The following RGS7 variants were observed in gnomAD, a reference collection of about 807,000 sequenced individuals.
RGS7 encodes the protein regulator of G-protein signaling 7.
In RGS7, 27 loss-of-function variants were observed where a neutral mutation model predicts 81.1. That is an observed-to-expected ratio of 0.33 (90% CI 0.25 to 0.46). RGS7 has a LOEUF of 0.46. RGS7 is among the 20% of genes least tolerant of loss of function. The probability of loss-of-function intolerance (pLI) is 1.00; values close to 1 mark genes in which losing one functional copy is unlikely to be tolerated. For missense variants in RGS7, 396 were observed against 607.4 expected (o/e 0.65, Z 3.66); for synonymous variants, 208 against 207.7 (o/e 1.00, Z -0.01).
At chr1:240,786,703 C>G (rs1019663539) in intron 18 of RGS7, among the ~76,000 whole-genome samples, 1 of 152,056 alleles carries the variant, frequency 6.6e-6, no homozygotes, top group African/African-American at 2.4e-5. Flanking sequence ...CTGCAAGGAA[C>G]AATAGAAAAA....
chr1:240,882,404 T>C (rs1666558648), intron 6 of RGS7, among the ~76,000 whole-genome samples: 1 of 152,226 alleles, frequency 6.6e-6, no homozygotes, highest in African/African-American at 2.4e-5. Flanking sequence ...ACAATTCTGC[T>C]CTATCATAAG....
At chr1:241,284,934 G>A (rs754842022) in intron 2 of RGS7, among the ~76,000 whole-genome samples, 5 of 151,930 alleles carry the variant, frequency 3.3e-5, no homozygotes, top group African/African-American at 1.2e-4. Flanking sequence ...GCAGTGGCAC[G>A]ATCTCAGCTC....
intron 9 of RGS7, among the ~76,000 whole-genome samples, chr1:240,855,308 C>CA (rs758331434): frequency 0.12 from 1,774 of 14,440 alleles, 97 homozygotes; most frequent in South Asian, 0.26. Flanking sequence ...GACCATGTCT[C>CA]AAAAAAAAAA....
intron 6 of RGS7, among the ~76,000 whole-genome samples, chr1:240,915,462 G>C (rs1041236806): frequency 2.6e-5 from 4 of 152,076 alleles, no homozygotes; most frequent in African/African-American, 9.7e-5. Context: ...GAACGCAACG[G>C]AAAGAACTGT....
intron 3 of RGS7, among the ~76,000 whole-genome samples, chr1:241,087,983 TATATATATATATACACACACACAC>T (rs1372628194): frequency 1.0e-4 from 8 of 77,372 alleles, no homozygotes; most frequent in African/African-American, 4.5e-4. Context: ...TCTCTATATA[TATATATATATATACACACACACAC>T]ATATATATAT....
At chr1:240,853,281 G>C (rs1243482434) in intron 9 of RGS7, among the ~76,000 whole-genome samples, 1 of 152,066 alleles carries the variant, frequency 6.6e-6, no homozygotes, top group Admixed American at 6.6e-5. Flanking sequence ...GACTACAGGG[G>C]AATACAGACA....
chr1:241,050,163 T>C (rs796480511), intron 3 of RGS7, among the ~76,000 whole-genome samples: 1 of 152,166 alleles, frequency 6.6e-6, no homozygotes, highest in Non-Finnish European at 1.5e-5. Flanking sequence ...GATCCCATTA[T>C]CAAGAATCTC....
At chr1:241,051,816 C>A (rs1346155999) in intron 3 of RGS7, among the ~76,000 whole-genome samples, 3 of 152,174 alleles carry the variant, frequency 2.0e-5, no homozygotes, top group Admixed American at 1.3e-4. Context: ...CATGTGTTAT[C>A]TTATTCACTC....
intron 6 of RGS7, among the ~76,000 whole-genome samples, chr1:240,921,941 C>T (rs1424501978): frequency 2.0e-5 from 3 of 151,912 alleles, no homozygotes; most frequent in Non-Finnish European, 2.9e-5. Flanking sequence ...AATTACACAA[C>T]ACAATACTGA....
At chr1:241,094,630 A>C (rs2148941263) in intron 3 of RGS7, among the ~76,000 whole-genome samples, 1 of 152,256 alleles carries the variant, frequency 6.6e-6, no homozygotes, top group South Asian at 2.1e-4. Flanking sequence ...CAAAAACAAA[A>C]ACAAAGAAAA....
At chr1:241,254,985 T>C (rs1047971411) in intron 2 of RGS7, among the ~76,000 whole-genome samples, 5 of 152,178 alleles carry the variant, frequency 3.3e-5, no homozygotes, top group African/African-American at 1.2e-4. Flanking sequence ...CTTCTACAGA[T>C]GGAGAAACAT....
chr1:241,305,413 G>A (rs558943241), intron 2 of RGS7, among the ~76,000 whole-genome samples: 2 of 152,094 alleles, frequency 1.3e-5, no homozygotes, highest in South Asian at 4.2e-4. Flanking sequence ...AGCTTCTTAG[G>A]GAAGGGATGC....
intron 6 of RGS7, among the ~76,000 whole-genome samples, chr1:240,914,784 A>G (rs1248519409): frequency 2.6e-5 from 4 of 152,172 alleles, no homozygotes; most frequent in Admixed American, 1.3e-4. Context: ...GTAAAAACCA[A>G]CAATTCCTCT....
chr1:241,080,603 G>A (rs1011382521), intron 3 of RGS7, among the ~76,000 whole-genome samples: 6 of 152,066 alleles, frequency 3.9e-5, no homozygotes, highest in Admixed American at 2.0e-4. Context: ...CCTTCTATGT[G>A]TTCCATACAC....
chr1:241,166,686 C>G (rs1036099437), intron 2 of RGS7, among the ~76,000 whole-genome samples: 7 of 152,194 alleles, frequency 4.6e-5, no homozygotes, highest in African/African-American at 1.7e-4. Context: ...CTTCAAGCCC[C>G]TGCCAGTCTT....
At chr1:241,015,278 C>T (rs1464318061) in intron 3 of RGS7, among the ~76,000 whole-genome samples, 3 of 152,074 alleles carry the variant, frequency 2.0e-5, no homozygotes, top group Non-Finnish European at 2.9e-5. Flanking sequence ...GTTCATCTGT[C>T]GTGTACTTTC....
At chr1:241,031,601 AAAC>A (rs1439811292) in intron 3 of RGS7, among the ~76,000 whole-genome samples, 3 of 152,214 alleles carry the variant, frequency 2.0e-5, no homozygotes, top group Admixed American at 6.5e-5. Flanking sequence ...CACATTGTAT[AAAC>A]GTTCCTTTTT....
chr1:241,194,340 T>C (rs2072909855), intron 2 of RGS7, among the ~76,000 whole-genome samples: 1 of 152,206 alleles, frequency 6.6e-6, no homozygotes, highest in Non-Finnish European at 1.5e-5. Context: ...AACTGAAATA[T>C]AATTTTTTAA....
chr1:240,846,841 T>G (rs1659178416), intron 9 of RGS7, among the ~76,000 whole-genome samples: 1 of 152,084 alleles, frequency 6.6e-6, no homozygotes, highest in Admixed American at 6.6e-5. Flanking sequence ...TATGGAGAGG[T>G]GCATGTGGCC....
Sources: allele counts gnomAD v4.1 joint callset (sites outside exome capture counted in the v4.1 genomes callset), GRCh38; gene constraint gnomAD v4.1.1; transcripts MANE v1.5; gene names NCBI Gene and HGNC (gene_info 2026-07-23, HGNC 2026-07-21).